ADGRV1: variants seen among roughly 807,000 people sequenced by gnomAD.
ADGRV1 encodes G-protein coupled receptor 98.
Under a neutral mutation model 596.2 loss-of-function variants are expected in ADGRV1, and 359 were observed. The ratio of observed to expected loss-of-function variants is 0.60; its 90% confidence interval spans 0.55 to 0.66. The LOEUF (loss-of-function observed/expected upper bound fraction) is 0.66, where lower values mean the gene tolerates loss of function less well. Among genes scored for constraint, ADGRV1 ranks in the 30% least tolerant of loss-of-function variants. The pLI, the probability that ADGRV1 is intolerant of heterozygous loss-of-function variation, is 0.00. For synonymous variants in ADGRV1, 2,681 were observed against 2,679.2 expected, an observed-to-expected ratio of 1.00 and a Z score of -0.02; for missense variants, 7,274 against 7,575.6, an observed-to-expected ratio of 0.96 and a Z score of 1.48.
chr5:90,983,089 A>G (rs1381924991), intron 84 of ADGRV1, among the ~76,000 whole-genome samples: 4 of 152,220 alleles, frequency 2.6e-5, no homozygotes, highest in Non-Finnish European at 5.9e-5. Context: ...TCTAGAGTAT[A>G]TTTCAGTGAT....
At position 90,586,777 on chromosome 5, in the gene ADGRV1, A is replaced by C. The variant is rs943045215; in HGVS notation, c.22+27860A>C. Among the ~76,000 whole-genome samples the C allele has an allele frequency of 1.9e-4, 29 of 152,252 alleles. 1 individual carries two copies. The highest frequency in any genetic ancestry group is 1.4e-3 in the East Asian group (7 of 5,176). ...CAGGTGGTGACAGCTCAGTCCTTTC[A>C]TTGTTAAGTTTCCCATTATCTTTGT... On this transcript the variant is annotated intron_variant, in intron 1 of 89. Transcript: ENST00000405460.
At chr5:90,724,716 A>G in intron 45 of ADGRV1, 116 bp from the exon 46 acceptor site, 1 of 895,140 alleles carries the variant, frequency 1.1e-6, no homozygotes. Context: ...ACACGTCATG[A>G]AAGAATTTTC....
intron 85 of ADGRV1, among the ~76,000 whole-genome samples, chr5:91,057,945 T>C (rs557418406): frequency 1.3e-5 from 2 of 152,362 alleles, no homozygotes; most frequent in African/African-American, 4.8e-5. Context: ...GGAATGAGCA[T>C]GTTTAGTGTG....
intron 41 of ADGRV1, 72 bp from the exon 42 acceptor site, chr5:90,712,215 C>CT: frequency 1.2e-6 from 1 of 851,322 alleles, no homozygotes; most frequent in Non-Finnish European, 1.7e-6. Flanking sequence ...TATTGTATTT[C>CT]TTTCCAAACA....
At chr5:90,643,096 A>G (rs1007658923) in intron 13 of ADGRV1, 55 bp downstream of exon 13, 8 of 1,364,700 alleles carry the variant, frequency 5.9e-6, no homozygotes, top group Non-Finnish European at 7.2e-6. Flanking sequence ...AGTATTTGGT[A>G]TATTATGAAT....
chr5:90,784,048 A>G lies in ADGRV1; in HGVS notation c.13644A>G (p.Gly4548=). The change falls in exon 67 of 90, where the codon GGA becomes GGG. Residue 4548 remains glycine (G), a synonymous_variant. Coordinates refer to ENST00000405460, the MANE Select transcript of ADGRV1 (RefSeq NM_032119.4). ...TGGAGCGGACTGGAGGACTCTTGGG[A>G]GAGATTCAGGTAGATTTATGTTCCC... ...LVLERTGGLL[G]EIQVNWETVG... 6.2e-7 allele frequency: 1 copy of G among 1,606,888 alleles called. No individual in the cohort carries two copies. Among genetic ancestry groups the G allele is most frequent in the African/African-American group, 1.3e-5 (1 of 74,902 alleles).
intron 58 of ADGRV1, among the ~76,000 whole-genome samples, chr5:90,761,987 G>T (rs771710536): frequency 1.3e-5 from 2 of 152,078 alleles, no homozygotes; most frequent in Non-Finnish European, 2.9e-5. Flanking sequence ...GCATTATTCG[G>T]TGACACAGAT....
chr5:91,138,044 A>G (rs1480683960), intron 87 of ADGRV1, among the ~76,000 whole-genome samples: 1 of 152,152 alleles, frequency 6.6e-6, no homozygotes, highest in African/African-American at 2.4e-5. Flanking sequence ...CGGTTGAGTG[A>G]AATGGGGTGA....
At chr5:90,686,242 T>G (rs1745625170) in intron 29 of ADGRV1, among the ~76,000 whole-genome samples, 1 of 152,006 alleles carries the variant, frequency 6.6e-6, no homozygotes, top group Admixed American at 6.6e-5. Context: ...ACTTTAAGTT[T>G]TAGGGTACAT....
At chr5:90,602,182 T>G (rs1258664800) in intron 1 of ADGRV1, among the ~76,000 whole-genome samples, 2 of 152,230 alleles carry the variant, frequency 1.3e-5, no homozygotes, top group African/African-American at 4.8e-5. Context: ...TCTGCAGATT[T>G]ACAATACAAC....
At position 90,651,680 on chromosome 5, in the gene ADGRV1, T is replaced by C. The variant is rs1043142818; in HGVS notation, c.3366T>C (p.Ser1122=). Residue 1122 remains serine, a synonymous_variant, in exon 18 of 90, where the codon TCT becomes TCC. Transcript: ENST00000405460. The stretch of plus-strand genomic sequence containing the variant: ...ATGATGACCCAAATGGCATTTTTTC[T>C]CTGGAGCCCATAGACAAAGCAGTGG... ...EANDDPNGIF[S]LEPIDKAVEE... is the part of the protein sequence containing the mutation. 16 of 1,612,840 alleles carry C rather than the reference T, an allele frequency of 9.9e-6. No homozygotes were observed. Among genetic ancestry groups the C allele is most frequent in the African/African-American group, 1.3e-5 (1 of 74,908 alleles).
At chr5:91,110,872 T>G (rs1414438940) in intron 87 of ADGRV1, among the ~76,000 whole-genome samples, 1 of 149,630 alleles carries the variant, frequency 6.7e-6, no homozygotes, top group Non-Finnish European at 1.5e-5. Flanking sequence ...GAGTACTGTT[T>G]GACTGTTTCT....
chr5:90,823,126 TC>T (rs1763741360), intron 75 of ADGRV1, among the ~76,000 whole-genome samples: 1 of 152,172 alleles, frequency 6.6e-6, no homozygotes, highest in African/African-American at 2.4e-5. Context: ...TTTATTTCCT[TC>T]TCGAAAAATA....
intron 9 of ADGRV1, among the ~76,000 whole-genome samples, chr5:90,631,982 C>T (rs1765560576): frequency 6.6e-6 from 1 of 152,164 alleles, no homozygotes; most frequent in African/African-American, 2.4e-5. Context: ...CTTAGAGTAG[C>T]ATTTCTGAAG....
At chr5:91,004,087 T>A (rs1428293557) in intron 85 of ADGRV1, among the ~76,000 whole-genome samples, 1 of 152,120 alleles carries the variant, frequency 6.6e-6, no homozygotes, top group African/African-American at 2.4e-5. Flanking sequence ...GGAAAGAAGC[T>A]TAAGTCCTAT....
At chr5:90,599,893 G>A (rs1761192452) in intron 1 of ADGRV1, among the ~76,000 whole-genome samples, 2 of 152,192 alleles carry the variant, frequency 1.3e-5, no homozygotes, top group African/African-American at 4.8e-5. Context: ...AATAGAGCAT[G>A]TTCAGGTATT....
chr5:90,705,595 G>A lies in ADGRV1; in HGVS notation c.8566+16G>A. 2 of 1,603,486 alleles carry A rather than the reference G, an allele frequency of 1.2e-6. No individual in the cohort carries two copies. The highest frequency in any genetic ancestry group is 1.7e-6 in the Non-Finnish European group (2 of 1,172,748). The stretch of plus-strand genomic sequence containing the variant: ...GGATCTCTAGGTTTGTGTTACTCTA[G>A]AATGAATGGGGTTTCCAGGCAAGTG... On this transcript the variant is annotated intron_variant, in intron 37 of 89. Transcript: ENST00000405460.
At chr5:90,606,403 G>T (rs907891528) in intron 1 of ADGRV1, among the ~76,000 whole-genome samples, 1 of 152,152 alleles carries the variant, frequency 6.6e-6, no homozygotes, top group South Asian at 2.1e-4. Context: ...GTACTAGGTG[G>T]TGGACAGGTA....
Position 90,694,256 on chromosome 5 carries a change from G to A in ADGRV1, c.7500G>A (p.Gly2500=). ...ASLFSGQAVA[G]SDYEPVTRQW... is the part of the protein sequence containing the mutation. ...TTTTTAGTGGTCAGGCTGTGGCTGG[G>A]AGTGACTATGAGCCTGTGACAAGGC... Residue 2500 remains glycine (G), a synonymous_variant, in exon 33 of 90, where the codon GGG becomes GGA. Coordinates refer to ENST00000405460, the MANE Select transcript of ADGRV1 (RefSeq NM_032119.4). 2 of 1,613,982 alleles carry A rather than the reference G, an allele frequency of 1.2e-6. No individual in the cohort carries two copies. Among genetic ancestry groups the A allele is most frequent in the Non-Finnish European group, 1.7e-6 (2 of 1,179,858 alleles).
Sources: gnomAD v4.1 joint callset for allele counts (sites outside exome capture counted in the v4.1 genomes callset) on GRCh38, gnomAD v4.1.1 for gene constraint, MANE v1.5 for transcripts, NCBI Gene and HGNC (gene_info 2026-07-23, HGNC 2026-07-21) for gene names.